The following ATP9B variants were observed in gnomAD, a reference collection of about 807,000 sequenced individuals.
The protein encoded by ATP9B is probable phospholipid-transporting ATPase IIB.
In ATP9B, 110 loss-of-function variants were observed where a neutral mutation model predicts 146.1. The ratio of observed to expected loss-of-function variants is 0.75; its 90% CI spans 0.65 to 0.88. The LOEUF (loss-of-function observed/expected upper bound fraction) is 0.88. ATP9B is among the 40% of genes least tolerant of loss of function. The probability of loss-of-function intolerance (pLI) is 0.00; values close to 1 mark genes in which losing one functional copy is unlikely to be tolerated. For missense variants in ATP9B, 1,499 were observed against 1,496.4 expected, an observed-to-expected ratio of 1.00 and a Z score of -0.03; for synonymous variants, 604 against 569.7, an observed-to-expected ratio of 1.06 and a Z score of -0.86.
chr18:79,279,109 G>A (rs571598420), intron 13 of ATP9B, among the ~76,000 whole-genome samples: 5 of 152,288 alleles, frequency 3.3e-5, no homozygotes, highest in South Asian at 2.1e-4. Context: ...CACCGTGAGC[G>A]GCGCCTGTGA....
chr18:79,277,347 T>C (rs1463032409), intron 13 of ATP9B, 151 bp downstream of exon 13: 1 of 936,158 alleles, frequency 1.1e-6, no homozygotes, highest in Non-Finnish European at 1.5e-6. Flanking sequence ...TTTCAGCCTC[T>C]ACTCTTGAAA....
At chr18:79,290,495 C>T (rs937438159) in intron 13 of ATP9B, among the ~76,000 whole-genome samples, 2 of 152,184 alleles carry the variant, frequency 1.3e-5, no homozygotes, top group Non-Finnish European at 2.9e-5. Flanking sequence ...TGGGAGTGAC[C>T]CGATTTTCCA....
At chr18:79,168,381 T>TTG (rs1053647165) in intron 7 of ATP9B, among the ~76,000 whole-genome samples, 7 of 151,394 alleles carry the variant, frequency 4.6e-5, no homozygotes, top group South Asian at 4.2e-4. Flanking sequence ...TGATTTTGTT[T>TTG]TTTTTTTTTT....
At chr18:79,175,836 A>T (rs1218095709) in intron 7 of ATP9B, among the ~76,000 whole-genome samples, 1 of 152,120 alleles carries the variant, frequency 6.6e-6, no homozygotes, top group Non-Finnish European at 1.5e-5. Context: ...GCACACACAT[A>T]TACATGCACA....
intron 11 of ATP9B, among the ~76,000 whole-genome samples, chr18:79,241,539 TGTTTCTA>T (rs1478880507): frequency 6.6e-6 from 1 of 152,210 alleles, no homozygotes; most frequent in Non-Finnish European, 1.5e-5. Context: ...AGAAAGTGGC[TGTTTCTA>T]GCTCTAACTA....
intron 10 of ATP9B, among the ~76,000 whole-genome samples, chr18:79,211,090 A>G (rs1423333370): frequency 6.6e-6 from 1 of 152,260 alleles, no homozygotes; most frequent in African/African-American, 2.4e-5. Context: ...AATAGCAACT[A>G]AAAGTATTGC....
At chr18:79,092,800 T>G (rs971762970) in intron 1 of ATP9B, among the ~76,000 whole-genome samples, 1 of 152,112 alleles carries the variant, frequency 6.6e-6, no homozygotes, top group Non-Finnish European at 1.5e-5. Context: ...GTGTTAACAG[T>G]GTCTTCTGCT....
chr18:79,376,214 C>CACACACACACAAAAAAA, intron 29 of ATP9B: 350 of 883,930 alleles, frequency 4.0e-4, no homozygotes, highest in Admixed American at 7.1e-4. Flanking sequence ...CACACACACA[C>CACACACACACAAAAAAA]AAAACAAAAC....
At position 79,206,958 on chromosome 18, in the gene ATP9B, C is replaced by T; in HGVS notation, c.976C>T (p.His326Tyr). Residue 326 changes from histidine to tyrosine, a missense_variant, in exon 10 of 30, where the codon CAT becomes TAT. Coordinates refer to ENST00000426216, the MANE Select transcript of ATP9B (RefSeq NM_198531.5). ...ACAGGAAGACAGTGACCCGCCCATTCATGAAAGTCTCAGCATAGAAAATAC... is the reference window on the plus strand; with the variant it reads ...ACAGGAAGACAGTGACCCGCCCATTTATGAAAGTCTCAGCATAGAAAATAC... ...FTREDSDPPI[H>Y]ESLSIENTLW... 6.2e-7 allele frequency: 1 copy of T among 1,614,064 alleles called. No individual in the cohort carries two copies.
chr18:79,305,415 T>C (rs1009747549), intron 14 of ATP9B, among the ~76,000 whole-genome samples: 1 of 152,230 alleles, frequency 6.6e-6, no homozygotes, highest in Admixed American at 6.5e-5. Flanking sequence ...TCCACACACA[T>C]AAGCAAACAA....
At position 79,377,602 on chromosome 18, in the gene ATP9B, A is replaced by T. The variant is rs879475389; in HGVS notation, c.*219A>T. 5.2e-6 allele frequency: 3 copies of T among 574,614 alleles called. No homozygotes were observed. The South Asian group carries it at 6.4e-5, about 12-fold the overall frequency. 35.6% of individuals were successfully genotyped at this position (574,614 alleles called of 1,614,324 possible). ...CAGGCAAGCCCAGGGCACAGATGCC[A>T]GGATGGCTTCTCCCTCTCAGTGCGA... On this transcript the variant is annotated 3_prime_UTR_variant, in exon 30 of 30. Coordinates refer to ENST00000426216, the MANE Select transcript of ATP9B (RefSeq NM_198531.5).
chr18:79,148,719 A>G (rs1281859525), intron 6 of ATP9B, among the ~76,000 whole-genome samples: 1 of 152,248 alleles, frequency 6.6e-6, no homozygotes, highest in East Asian at 1.9e-4. Context: ...GTAAGGCAAG[A>G]AAATAAAAGA....
At chr18:79,263,893 G>C (rs1012076426) in intron 12 of ATP9B, among the ~76,000 whole-genome samples, 8 of 152,164 alleles carry the variant, frequency 5.3e-5, no homozygotes, top group Non-Finnish European at 1.0e-4. Context: ...GACCATCCTG[G>C]CTAACACGGT....
At chr18:79,292,653 C>T (rs1429423954) in intron 13 of ATP9B, among the ~76,000 whole-genome samples, 2 of 130,516 alleles carry the variant, frequency 1.5e-5, no homozygotes, top group Non-Finnish European at 3.2e-5. Context: ...GGACTTGCAA[C>T]TCGTGATTTC....
chr18:79,347,024 T>A (rs2096893207), intron 23 of ATP9B, among the ~76,000 whole-genome samples: 1 of 152,244 alleles, frequency 6.6e-6, no homozygotes, highest in Non-Finnish European at 1.5e-5. Flanking sequence ...CTTAGTCACC[T>A]GCCCTAGGGC....
At chr18:79,132,712 C>T (rs1355629839) in intron 5 of ATP9B, among the ~76,000 whole-genome samples, 4 of 152,214 alleles carry the variant, frequency 2.6e-5, no homozygotes, top group Admixed American at 2.6e-4. Context: ...ACAGTTACCT[C>T]TTTGAATGGC....
chr18:79,104,123 C>T (rs541316449), intron 2 of ATP9B, among the ~76,000 whole-genome samples: 1 of 152,202 alleles, frequency 6.6e-6, no homozygotes, highest in South Asian at 2.1e-4. Context: ...ACGCGTGGCC[C>T]GAAGAAGACC....
At chr18:79,347,320 AAG>A (rs774392937) in intron 23 of ATP9B, among the ~76,000 whole-genome samples, 2 of 152,252 alleles carry the variant, frequency 1.3e-5, no homozygotes, top group African/African-American at 4.8e-5. Context: ...AGCGTTGTGA[AAG>A]AGGGGATAGA....
Position 79,224,778 on chromosome 18 carries a change from C to A in ATP9B, c.1107+10740C>A, listed in dbSNP as rs538440928. Among the ~76,000 whole-genome samples, 275 of 152,316 alleles carry A rather than the reference C, an allele frequency of 1.8e-3. 1 individual carries two copies. Among genetic ancestry groups the A allele is most frequent in the Non-Finnish European group, 3.3e-3 (222 of 68,026 alleles). ...TCCTCCCTCCTTAGGCAGAGAGAAACCCTCAGTGTCTACTCAGGAAAGCAC... is the reference window on the plus strand; with the variant it reads ...TCCTCCCTCCTTAGGCAGAGAGAAAACCTCAGTGTCTACTCAGGAAAGCAC... On this transcript the variant is annotated intron_variant, in intron 11 of 29. Coordinates refer to ENST00000426216, the MANE Select transcript of ATP9B (RefSeq NM_198531.5).
Sources: gnomAD v4.1 joint callset for allele counts (sites outside exome capture counted in the v4.1 genomes callset) on GRCh38, gnomAD v4.1.1 for gene constraint, MANE v1.5 for transcripts, NCBI Gene and HGNC (gene_info 2026-07-23, HGNC 2026-07-21) for gene names.